Variants in CNOT4 observed in about 807,000 individuals in gnomAD.
CNOT4 encodes the protein CCR4-associated factor 4.
In CNOT4, 8 loss-of-function variants were observed where a neutral mutation model predicts 73.8. The ratio of observed to expected loss-of-function variants is 0.11; its 90% confidence interval spans 0.06 to 0.20. CNOT4 has a LOEUF of 0.20. CNOT4 is among the 10% of genes least tolerant of loss of function. The pLI is 1.00. For missense variants in CNOT4, 564 were observed against 883.4 expected, an observed-to-expected ratio of 0.64 and a Z score of 4.58; for synonymous variants, 293 against 321.1, an observed-to-expected ratio of 0.91 and a Z score of 0.94.
chr7:135,413,326 A>G (rs1393610282), intron 6 of CNOT4, among the ~76,000 whole-genome samples, 162 bp downstream of exon 6: 1 of 152,026 alleles, frequency 6.6e-6, no homozygotes, highest in Non-Finnish European at 1.5e-5. Flanking sequence ...AATATCCTGC[A>G]GAACTGACCT....
chr7:135,424,037 CA>C (rs1248595857), intron 2 of CNOT4, among the ~76,000 whole-genome samples: 26 of 127,938 alleles, frequency 2.0e-4, no homozygotes, highest in African/African-American at 4.7e-4. Flanking sequence ...AACAAACAAA[CA>C]AAACACACAC....
intron 9 of CNOT4, among the ~76,000 whole-genome samples, 180 bp from the exon 10 acceptor site, chr7:135,394,595 G>A (rs2129483396): frequency 6.6e-6 from 1 of 152,232 alleles, no homozygotes; most frequent in Non-Finnish European, 1.5e-5. Context: ...ACTTCTAGCA[G>A]TTACTTAACT....
intron 3 of CNOT4, among the ~76,000 whole-genome samples, chr7:135,418,700 C>CATAGT (rs1798008693): frequency 6.6e-6 from 1 of 151,894 alleles, no homozygotes; most frequent in Non-Finnish European, 1.5e-5. Flanking sequence ...AAAGTCATAG[C>CATAGT]TCATCAAACA....
chr7:135,407,999 ACT>A (rs769944673), intron 7 of CNOT4, among the ~76,000 whole-genome samples: 1 of 152,162 alleles, frequency 6.6e-6, no homozygotes, highest in African/African-American at 2.4e-5. Flanking sequence ...TAAAAAGTTC[ACT>A]CTGTTAATCA....
intron 2 of CNOT4, among the ~76,000 whole-genome samples, chr7:135,424,265 A>G (rs768868916): frequency 1.3e-5 from 2 of 152,098 alleles, no homozygotes; most frequent in East Asian, 1.9e-4. Flanking sequence ...CTGTACCTAC[A>G]TTAATTATCT....
At chr7:135,448,585 C>T (rs1799978313) in intron 1 of CNOT4, among the ~76,000 whole-genome samples, 1 of 150,318 alleles carries the variant, frequency 6.7e-6, no homozygotes, top group South Asian at 2.1e-4. Flanking sequence ...AGGAAGGACC[C>T]ATATACCAGA....
chr7:135,424,056 C>A (rs902089939), intron 2 of CNOT4, among the ~76,000 whole-genome samples: 9 of 86,686 alleles, frequency 1.0e-4, no homozygotes, highest in African/African-American at 2.9e-4. Flanking sequence ...CACACACACA[C>A]ACACACACAC....
rs1317371348 is a variant in CNOT4, at chr7:135,362,050, G to C, written c.*835C>G. On this transcript the variant is annotated 3_prime_UTR_variant, in exon 12 of 12. Transcript: ENST00000541284. ...TGCTATCTCAGAGTGCCCTCGTCAG[G>C]TGAATTTATGGTAAAACAAAAAAGA... The C allele has an allele frequency of 1.3e-5, 2 of 152,710 alleles. No homozygotes were observed. The highest frequency in any genetic ancestry group is 4.8e-5 in the African/African-American group (2 of 41,434). 9.5% of individuals were successfully genotyped at this position (152,710 alleles called of 1,614,324 possible). A position where few individuals can be genotyped will look rare whatever the true frequency, so the allele number is the denominator to read the frequency against.
intron 10 of CNOT4, among the ~76,000 whole-genome samples, chr7:135,372,050 A>G (rs1795235316): frequency 6.6e-6 from 1 of 152,206 alleles, no homozygotes; most frequent in Admixed American, 6.5e-5. Flanking sequence ...CAGAATATTC[A>G]CCCAATATGA....
In CNOT4 at chr7:135,393,592, T is replaced by TG. The variant is rs938378858; in HGVS notation, c.1627+325dup. On this transcript the variant is annotated intron_variant, in intron 10 of 11. Transcript: ENST00000541284. ...AAAATCATAATTTTCACCACGGTGTTGGACTTTATAGTACCATAACTTCAG... is the reference window on the plus strand; with the variant it reads ...AAAATCATAATTTTCACCACGGTGTTGGGACTTTATAGTACCATAACTTCAG... 3.3e-5 allele frequency among the ~76,000 whole-genome samples: 5 copies of TG among 152,330 alleles called. No individual in the cohort carries two copies. In the South Asian group the frequency reaches 1.0e-3, roughly 32 times the overall value.
chr7:135,414,482 T>A, intron 4 of CNOT4, 50 bp from the exon 5 acceptor site: 1 of 831,730 alleles, frequency 1.2e-6, no homozygotes, highest in Non-Finnish European at 2.0e-6. Flanking sequence ...AATTAAACAA[T>A]ACTAAAAAAA....
intron 8 of CNOT4, among the ~76,000 whole-genome samples, chr7:135,397,313 A>G (rs1045583988): frequency 3.3e-5 from 5 of 152,150 alleles, no homozygotes; most frequent in African/African-American, 4.8e-5. Context: ...ATATCAAAAC[A>G]TTAAATTTTT....
At chr7:135,433,371 T>TC (rs1491314898) in intron 2 of CNOT4, among the ~76,000 whole-genome samples, 6 of 146,640 alleles carry the variant, frequency 4.1e-5, no homozygotes, top group Non-Finnish European at 8.9e-5. Flanking sequence ...TTTTTTTTTT[T>TC]CTTGAGGTAG....
At chr7:135,435,322 A>G (rs1447011608) in intron 2 of CNOT4, among the ~76,000 whole-genome samples, 1 of 152,180 alleles carries the variant, frequency 6.6e-6, no homozygotes, top group Non-Finnish European at 1.5e-5. Context: ...GACTGCTCTC[A>G]GCAGAGATTA....
chr7:135,509,780 G>A (rs1804624710), intron 1 of CNOT4, 109 bp downstream of exon 1: 1 of 356,796 alleles, frequency 2.8e-6, no homozygotes. Context: ...GATGAGGCGG[G>A]GGGTGGGGAG....
intron 1 of CNOT4, among the ~76,000 whole-genome samples, chr7:135,455,140 G>A (rs559412901): frequency 1.9e-4 from 29 of 152,014 alleles, no homozygotes; most frequent in Non-Finnish European, 3.4e-4. Context: ...CAGGCACAGT[G>A]GTGTGTGTCT....
intron 10 of CNOT4, among the ~76,000 whole-genome samples, chr7:135,366,666 G>A (rs139515961): frequency 1.3e-5 from 2 of 152,342 alleles, no homozygotes; most frequent in South Asian, 2.1e-4. Flanking sequence ...CAGCATGGAT[G>A]TGGCTTACAG....
At chr7:135,367,869 C>T (rs2129482451) in intron 10 of CNOT4, among the ~76,000 whole-genome samples, 1 of 152,122 alleles carries the variant, frequency 6.6e-6, no homozygotes, top group Non-Finnish European at 1.5e-5. Flanking sequence ...AAAAACAATA[C>T]TAATTTTATT....
chr7:135,451,056 C>T (rs1482808435), intron 1 of CNOT4, among the ~76,000 whole-genome samples: 1 of 152,170 alleles, frequency 6.6e-6, no homozygotes, highest in Non-Finnish European at 1.5e-5. Context: ...GATCTACTAA[C>T]CCCACCTCTG....
Sources: gnomAD v4.1 joint callset for allele counts (sites outside exome capture counted in the v4.1 genomes callset) on GRCh38, gnomAD v4.1.1 for gene constraint, MANE v1.5 for transcripts, NCBI Gene and HGNC (gene_info 2026-07-23, HGNC 2026-07-21) for gene names.